NUP214: variants seen among roughly 807,000 people sequenced by gnomAD.
The protein encoded by NUP214 is nucleoporin 214.
In NUP214, 79 loss-of-function variants were observed where a neutral mutation model predicts 196.2. The ratio of observed to expected loss-of-function variants is 0.40; its 90% CI spans 0.34 to 0.49. The LOEUF is 0.49. Among genes scored for constraint, NUP214 ranks in the 20% least tolerant of loss-of-function variants. The pLI, the probability that NUP214 is intolerant of heterozygous loss-of-function variation, is 0.58. For synonymous variants in NUP214, 1,020 were observed against 990.5 expected (o/e 1.03, Z -0.56); for missense variants, 2,468 against 2,539.0 (o/e 0.97, Z 0.60).
At chr9:131,149,240 CAAAT>C (rs1467621504) in intron 14 of NUP214, among the ~76,000 whole-genome samples, 3 of 152,036 alleles carry the variant, frequency 2.0e-5, no homozygotes, top group Non-Finnish European at 4.4e-5. Context: ...CAGTGTTTGT[CAAAT>C]AAATGTTTGC....
chr9:131,221,903 G>A (rs1834568016), intron 31 of NUP214, among the ~76,000 whole-genome samples: 2 of 151,640 alleles, frequency 1.3e-5, no homozygotes, highest in African/African-American at 4.8e-5. Context: ...TTATCTGAGT[G>A]ACAGCTGCTG....
chr9:131,204,927 G>A (rs1325444575), intron 30 of NUP214, among the ~76,000 whole-genome samples: 1 of 152,146 alleles, frequency 6.6e-6, no homozygotes, highest in Admixed American at 6.5e-5. Context: ...GGTGCCATAG[G>A]CAGACTGACA....
chr9:131,183,176 C>T (rs912637903), intron 24 of NUP214, among the ~76,000 whole-genome samples: 1 of 152,178 alleles, frequency 6.6e-6, no homozygotes, highest in East Asian at 1.9e-4. Flanking sequence ...CCTCTGCCTC[C>T]CAGGTTCAAG....
rs546491532 is a variant in NUP214, at chr9:131,233,545, C to T, written c.*58C>T. 841 of 1,601,806 alleles carry T rather than the reference C, an allele frequency of 5.3e-4. 1 individual carries two copies. Among genetic ancestry groups the T allele is most frequent in the Non-Finnish European group, 2.9e-4 (339 of 1,170,660 alleles). On this transcript the variant is annotated 3_prime_UTR_variant, in exon 36 of 36. Coordinates refer to ENST00000359428, the MANE Select transcript of NUP214 (RefSeq NM_005085.4). ...CCAACCGCATCCTCAGCTTCTTCCC[C>T]GAGAAATGCTGGAGCAGGCTGTTCA...
At chr9:131,210,589 T>C (rs901631866) in intron 30 of NUP214, among the ~76,000 whole-genome samples, 2 of 151,144 alleles carry the variant, frequency 1.3e-5, no homozygotes, top group African/African-American at 4.9e-5. Flanking sequence ...ATCACACCAC[T>C]GCACTCCAGC....
rs1351069092 is a variant in NUP214, at chr9:131,228,469, G to GT, written c.6074+138_6074+139insT. The GT allele has an allele frequency of 8.6e-5, 66 of 764,664 alleles. 1 individual carries two copies. Among genetic ancestry groups the GT allele is most frequent in the Non-Finnish European group, 1.1e-4 (57 of 513,678 alleles). 47.4% of individuals were successfully genotyped at this position (764,664 alleles called of 1,614,324 possible). A position where few individuals can be genotyped will look rare whatever the true frequency, so the allele number is the denominator to read the frequency against. ...GAAATTTGTGAACAACTCCCTCAAG[G>GT]ATTCCTGTACCTCTCCAGGGTAAGA... On this transcript the variant is annotated intron_variant, in intron 33 of 35. Transcript: ENST00000359428.
chr9:131,145,598 A>G (rs1315931478), intron 12 of NUP214, among the ~76,000 whole-genome samples: 3 of 152,208 alleles, frequency 2.0e-5, no homozygotes, highest in Non-Finnish European at 2.9e-5. Flanking sequence ...CCAGTCATCT[A>G]ATGCTGGAGT....
chr9:131,155,995 GT>G (rs1199349366), intron 17 of NUP214, among the ~76,000 whole-genome samples: 2 of 152,020 alleles, frequency 1.3e-5, no homozygotes, highest in Non-Finnish European at 2.9e-5. Flanking sequence ...TTTTAGGATT[GT>G]TTTTTCTAGT....
chr9:131,230,512 G>A (rs1469387432), intron 33 of NUP214, 118 bp from the exon 34 acceptor site: 15 of 1,262,434 alleles, frequency 1.2e-5, no homozygotes, highest in Non-Finnish European at 1.7e-5. Flanking sequence ...GGCCCAGCCT[G>A]TCACCCTGGA....
Position 131,198,759 on chromosome 9 carries a change from C to T in NUP214, c.5265C>T (p.Ala1755=), listed in dbSNP as rs959046479. The T allele has an allele frequency of 5.0e-6, 8 of 1,614,134 alleles. No individual in the cohort carries two copies. The Admixed American group carries it at 1.2e-4, about 24-fold the overall frequency. ...FSQPGFSSVP[A]FGQPASSTPT... ...AGCCTGGGTTCAGTTCCGTGCCTGC[C>T]TTCGGTCAGCCTGCTTCCTCCACTC... Residue 1755 remains alanine, a synonymous_variant, in exon 29 of 36, where the codon GCC becomes GCT. Transcript: ENST00000359428.
At chr9:131,174,431 A>ATT in intron 22 of NUP214, 113 bp downstream of exon 22, 6 of 666,176 alleles carry the variant, frequency 9.0e-6, no homozygotes, top group Non-Finnish European at 1.3e-5. Context: ...GCTCCAGCCC[A>ATT]CTTTTTTTTT....
At chr9:131,218,055 A>C (rs143979310) in intron 31 of NUP214, among the ~76,000 whole-genome samples, 41 of 152,366 alleles carry the variant, frequency 2.7e-4, no homozygotes, top group African/African-American at 9.6e-4. Flanking sequence ...GGTTTAAAGT[A>C]AACACATAAC....
At chr9:131,140,443 C>T in intron 10 of NUP214, 106 bp from the exon 11 acceptor site, 2 of 881,382 alleles carry the variant, frequency 2.3e-6, no homozygotes, top group African/African-American at 3.4e-5. Context: ...AGCTGCTATT[C>T]AGATGAGTCC....
At chr9:131,199,489 C>A (rs1423410568) in intron 29 of NUP214, among the ~76,000 whole-genome samples, 1 of 152,202 alleles carries the variant, frequency 6.6e-6, no homozygotes, top group East Asian at 1.9e-4. Flanking sequence ...TTTCTGTCTC[C>A]TCTGACACCA....
At chr9:131,147,225 C>G (rs887344422) in intron 13 of NUP214, among the ~76,000 whole-genome samples, 1 of 152,052 alleles carries the variant, frequency 6.6e-6, no homozygotes, top group African/African-American at 2.4e-5. Context: ...TGGGCTCAAG[C>G]AATCCTCCTG....
At chr9:131,134,849 T>A (rs16922) in intron 7 of NUP214, 49 bp from the exon 8 acceptor site, 8 of 1,167,456 alleles carry the variant, frequency 6.9e-6, no homozygotes, top group Non-Finnish European at 1.0e-5. Flanking sequence ...CTGTGGGATC[T>A]GAGAAAAATT....
At chr9:131,141,155 C>T (rs1335940427) in intron 11 of NUP214, among the ~76,000 whole-genome samples, 1 of 148,838 alleles carries the variant, frequency 6.7e-6, no homozygotes, top group Admixed American at 6.7e-5. Context: ...AAAAAAACCA[C>T]TATTCTTTGT....
rs1016597074 is a variant in NUP214, at chr9:131,234,416, A to C, written c.*929A>C. 4 of 232,214 alleles carry C rather than the reference A, an allele frequency of 1.7e-5. No individual in the cohort carries two copies. Among genetic ancestry groups the C allele is most frequent in the African/African-American group, 8.8e-5 (4 of 45,264 alleles). 14.4% of individuals were successfully genotyped at this position (232,214 alleles called of 1,614,324 possible). On this transcript the variant is annotated 3_prime_UTR_variant, in exon 36 of 36. Coordinates refer to ENST00000359428, the MANE Select transcript of NUP214 (RefSeq NM_005085.4). The stretch of plus-strand genomic sequence containing the variant: ...CAGAGCTCATCACTGCAGTTTTATT[A>C]GAGTGCTTCTTTATCTTTAATGCAG...
At chr9:131,192,471 C>A in intron 27 of NUP214, 179 bp downstream of exon 27, 1 of 437,094 alleles carries the variant, frequency 2.3e-6, no homozygotes, top group Non-Finnish European at 4.0e-6. Context: ...TCGATTTTCC[C>A]TTTGCAATTC....
Sources: gnomAD v4.1 joint callset for allele counts (sites outside exome capture counted in the v4.1 genomes callset) on GRCh38, gnomAD v4.1.1 for gene constraint, MANE v1.5 for transcripts, NCBI Gene and HGNC (gene_info 2026-07-23, HGNC 2026-07-21) for gene names.